COL14A1: variants seen among roughly 807,000 people sequenced by gnomAD.
COL14A1 encodes collagen alpha-1(XIV) chain.
In COL14A1, 136 loss-of-function variants were observed where a neutral mutation model predicts 230.3. That is an observed-to-expected ratio of 0.59 (90% CI 0.51 to 0.68). The LOEUF (loss-of-function observed/expected upper bound fraction) is 0.68. Among genes scored for constraint, COL14A1 ranks in the 30% least tolerant of loss-of-function variants. COL14A1 has a pLI of 0.00. For missense variants in COL14A1, 1,976 were observed against 2,215.8 expected (o/e 0.89, Z 2.17); for synonymous variants, 792 against 784.1 (o/e 1.01, Z -0.17).
In COL14A1 at chr8:120,180,730, C is replaced by T. The variant is rs576799247; in HGVS notation, c.436+12483C>T. Among the ~76,000 whole-genome samples the T allele has an allele frequency of 1.6e-4, 15 of 96,708 alleles. No homozygotes were observed. The East Asian group carries it at 4.4e-3, about 29-fold the overall frequency. 63.4% of individuals were successfully genotyped at this position (96,708 alleles called of 152,430 possible). A position where few individuals can be genotyped will look rare whatever the true frequency, so the allele number is the denominator to read the frequency against. On this transcript the variant is annotated intron_variant, in intron 5 of 47. Transcript: ENST00000297848. ...TTTTTTTTTTTTTTTTTTTTTGAGA[C>T]GGAGTCTCGGTCTGTTTCCCAGGCT... is the stretch of plus-strand genomic sequence containing the variant.
chr8:120,236,907 G>A (rs887848229), intron 19 of COL14A1, among the ~76,000 whole-genome samples: 7 of 152,136 alleles, frequency 4.6e-5, no homozygotes, highest in Admixed American at 6.5e-5. Context: ...GAAATTCTGG[G>A]TTGAAAATTC....
chr8:120,273,355 T>C (rs1213938510), intron 26 of COL14A1, among the ~76,000 whole-genome samples: 1 of 151,562 alleles, frequency 6.6e-6, no homozygotes, highest in Non-Finnish European at 1.5e-5. Flanking sequence ...AAAGCACAAA[T>C]TGGCAACCTA....
At chr8:120,255,701 A>G (rs1819125363) in intron 23 of COL14A1, among the ~76,000 whole-genome samples, 1 of 152,306 alleles carries the variant, frequency 6.6e-6, no homozygotes, top group Non-Finnish European at 1.5e-5. Context: ...AGCCAAGACT[A>G]GCATACATTA....
At chr8:120,240,030 C>T (rs567135619) in intron 19 of COL14A1, among the ~76,000 whole-genome samples, 14 of 151,730 alleles carry the variant, frequency 9.2e-5, no homozygotes, top group Admixed American at 4.6e-4. Context: ...TAGTTTCTTT[C>T]GTTTCACACT....
Position 120,280,960 on chromosome 8 carries a change from A to G in COL14A1, c.3725A>G (p.Asp1242Gly), listed in dbSNP as rs773491003. 6.2e-7 allele frequency: 1 copy of G among 1,606,850 alleles called. No individual in the cohort carries two copies. Among genetic ancestry groups the G allele is most frequent in the Non-Finnish European group, 8.5e-7 (1 of 1,177,046 alleles). ...GAAATGTTTGGTTTGGTTGAAAAAG[A>G]TTTTTCATCAGTGGAAGGGGTTTCT... ...MMEMFGLVEK[D>G]FSSVEGVSME... The change falls in exon 31 of 48, where the codon GAT (aspartate) becomes GGT (glycine). Residue 1242 changes from aspartate (D) to glycine (G), a missense_variant. Physicochemically the swap from Asp to Gly is moderately conservative, Grantham distance 94. This residue lies in a region of COL14A1 where 1,791 missense variants were observed against 2,019.5 expected (regional missense o/e 0.89). Coordinates refer to ENST00000297848, the MANE Select transcript of COL14A1 (RefSeq NM_021110.4).
At chr8:120,358,511 T>C (rs1563755951) in intron 45 of COL14A1, among the ~76,000 whole-genome samples, 1 of 152,064 alleles carries the variant, frequency 6.6e-6, no homozygotes, top group African/African-American at 2.4e-5. Context: ...CATGTGGATA[T>C]TGTGCCTCAA....
At position 120,272,521 on chromosome 8, in the gene COL14A1, A is replaced by C. The variant is rs10093254; in HGVS notation, c.3213+2347A>C. ...TTAGAAGAATGGATACAAAATCACA[A>C]ACCAAATATCTGCTATCTTTAAGAG... On this transcript the variant is annotated intron_variant, in intron 26 of 47. Transcript: ENST00000297848. 5.3e-3 allele frequency among the ~76,000 whole-genome samples: 801 copies of C among 151,794 alleles called. 5 individuals are homozygous for C. The highest frequency in any genetic ancestry group is 0.018 in the African/African-American group (733 of 41,500).
At chr8:120,353,855 TG>T (rs1324318596) in intron 45 of COL14A1, among the ~76,000 whole-genome samples, 1 of 151,816 alleles carries the variant, frequency 6.6e-6, no homozygotes, top group Admixed American at 6.6e-5. Context: ...AATCTAGAAC[TG>T]GAGATACCAT....
At chr8:120,167,038 C>G (rs377336924) in intron 4 of COL14A1, among the ~76,000 whole-genome samples, 105 of 151,470 alleles carry the variant, frequency 6.9e-4, no homozygotes, top group African/African-American at 2.4e-3. Flanking sequence ...ATCAAGGTAT[C>G]TTACATTTTT....
At chr8:120,227,098 T>C (rs895966404) in intron 16 of COL14A1, 122 bp from the exon 17 acceptor site, 8 of 1,095,810 alleles carry the variant, frequency 7.3e-6, no homozygotes, top group Non-Finnish European at 1.0e-5. Context: ...GACCTTAAAA[T>C]GGACTTCGAC....
intron 40 of COL14A1, among the ~76,000 whole-genome samples, chr8:120,330,229 T>TA (rs1400871670): frequency 6.6e-6 from 1 of 152,146 alleles, no homozygotes; most frequent in Non-Finnish European, 1.5e-5. Flanking sequence ...TCCCCTGCCT[T>TA]ATCTGGTTTC....
chr8:120,340,191 G>T (rs1446344131), intron 42 of COL14A1, among the ~76,000 whole-genome samples: 2 of 151,696 alleles, frequency 1.3e-5, no homozygotes, highest in African/African-American at 4.8e-5. Context: ...AGCCAGGGTG[G>T]GCTGCTTATA....
intron 20 of COL14A1, among the ~76,000 whole-genome samples, chr8:120,246,399 T>C (rs1426519231): frequency 1.3e-5 from 2 of 152,190 alleles, no homozygotes; most frequent in East Asian, 3.8e-4. Context: ...AACTTTTCAC[T>C]CCACCTTTAC....
chr8:120,228,629 A>G (rs1818165600), intron 17 of COL14A1, 81 bp from the exon 18 acceptor site: 3 of 1,053,970 alleles, frequency 2.8e-6, no homozygotes, highest in Admixed American at 3.5e-5. Flanking sequence ...TATAGGTGAA[A>G]TGTTCTTTGA....
intron 23 of COL14A1, among the ~76,000 whole-genome samples, chr8:120,258,511 C>A (rs562154538): frequency 6.6e-6 from 1 of 152,022 alleles, no homozygotes; most frequent in Admixed American, 6.6e-5. Context: ...GTTATTCAAT[C>A]CTCCCCAAAC....
chr8:120,282,852 G>A (rs1412226868), intron 31 of COL14A1, among the ~76,000 whole-genome samples: 1 of 152,098 alleles, frequency 6.6e-6, no homozygotes, highest in Non-Finnish European at 1.5e-5. Flanking sequence ...TCATGGAAGG[G>A]AACAGCAGGA....
chr8:120,134,125 T>C (rs1186079948), intron 1 of COL14A1, among the ~76,000 whole-genome samples: 1 of 152,000 alleles, frequency 6.6e-6, no homozygotes, highest in African/African-American at 2.4e-5. Context: ...AAAGAATATA[T>C]TCTTTTTTGA....
intron 1 of COL14A1, among the ~76,000 whole-genome samples, chr8:120,132,423 T>C (rs1316449887): frequency 6.6e-6 from 1 of 152,194 alleles, no homozygotes; most frequent in Non-Finnish European, 1.5e-5. Context: ...TGTGTGTTTG[T>C]TTTTGTACCA....
chr8:120,238,648 G>A (rs959459937), intron 19 of COL14A1, among the ~76,000 whole-genome samples: 1 of 152,166 alleles, frequency 6.6e-6, no homozygotes, highest in African/African-American at 2.4e-5. Context: ...CAGGCATCAT[G>A]GGGTATGAAA....
Sources: gnomAD v4.1 joint callset for allele counts (sites outside exome capture counted in the v4.1 genomes callset) on GRCh38, gnomAD v4.1.1 for gene constraint, gnomAD v4.1.1 regional missense constraint, MANE v1.5 for transcripts, NCBI Gene and HGNC (gene_info 2026-07-23, HGNC 2026-07-21) for gene names.